DPP6: variants seen among roughly 807,000 people sequenced by gnomAD.
DPP6 encodes the protein dipeptidyl peptidase like 6.
DPP6 carries 69 observed loss-of-function variants against 122.6 expected under a neutral mutation model. The ratio of observed to expected loss-of-function variants is 0.56; its 90% confidence interval spans 0.46 to 0.69. DPP6 has a LOEUF of 0.69. Among genes scored for constraint, DPP6 ranks in the 30% least tolerant of loss-of-function variants. The pLI is 0.00. For missense variants in DPP6, 928 were observed against 1,116.9 expected, an observed-to-expected ratio of 0.83 and a Z score of 2.41; for synonymous variants, 418 against 433.1, an observed-to-expected ratio of 0.97 and a Z score of 0.43.
intron 2 of DPP6, among the ~76,000 whole-genome samples, chr7:154,470,900 A>G (rs1822207706): frequency 6.6e-6 from 1 of 152,208 alleles, no homozygotes; most frequent in South Asian, 2.1e-4. Flanking sequence ...GAGCACAGAA[A>G]TGTTCCTTGT....
At chr7:154,233,449 G>C (rs1020321125) in intron 1 of DPP6, among the ~76,000 whole-genome samples, 3 of 152,124 alleles carry the variant, frequency 2.0e-5, no homozygotes, top group African/African-American at 7.2e-5. Context: ...CCTAACCCCC[G>C]GTGACTGTAT....
chr7:154,323,921 A>G (rs1808192669), intron 1 of DPP6, among the ~76,000 whole-genome samples: 1 of 152,250 alleles, frequency 6.6e-6, no homozygotes, highest in Non-Finnish European at 1.5e-5. Context: ...AAAGCTAATG[A>G]GAGGTACAAG....
chr7:153,946,024 T>C (rs921178736), intron 1 of DPP6, among the ~76,000 whole-genome samples: 1 of 152,132 alleles, frequency 6.6e-6, no homozygotes, highest in African/African-American at 2.4e-5. Context: ...TTCACCTTCA[T>C]TGAAGCTGCA....
the DPP6 span, among the ~76,000 whole-genome samples, chr7:153,816,426 C>T: frequency 6.6e-6 from 1 of 152,006 alleles, no homozygotes; most frequent in African/African-American, 2.4e-5. Flanking sequence ...AATTGTTGCT[C>T]TCCTATTTGT....
chr7:154,873,651 T>C (rs537083055), intron 19 of DPP6, among the ~76,000 whole-genome samples: 13 of 152,276 alleles, frequency 8.5e-5, no homozygotes, highest in Non-Finnish European at 1.3e-4. Context: ...AATAGCTGAT[T>C]CCGTTTTGCA....
upstream of DPP6, among the ~76,000 whole-genome samples, chr7:154,051,483 C>T (rs373730335): frequency 2.1e-3 from 321 of 149,830 alleles, 3 homozygotes; most frequent in Middle Eastern, 0.01. Context: ...GGGCCTGGAG[C>T]GGAGGAGCGG....
chr7:154,023,094 T>A (rs1798783308), intron 1 of DPP6, among the ~76,000 whole-genome samples: 1 of 151,970 alleles, frequency 6.6e-6, no homozygotes, highest in Non-Finnish European at 1.5e-5. Flanking sequence ...AGTCTCTGTT[T>A]CACCTAACAC....
Position 154,142,728 on chromosome 7 carries a change from TATC to T in DPP6, c.243+89668_243+89670del, listed in dbSNP as rs573900062. 2.2e-3 allele frequency among the ~76,000 whole-genome samples: 334 copies of T among 151,494 alleles called. 1 individual carries two copies. The highest frequency in any genetic ancestry group is 7.7e-3 in the African/African-American group (319 of 41,246). On this transcript the variant is annotated intron_variant, in intron 1 of 25. Coordinates refer to ENST00000377770, the MANE Select transcript of DPP6 (RefSeq NM_130797.4). The stretch of plus-strand genomic sequence containing the variant: ...CATGAAAATTAAATTAATATGACCT[TATC>T]ATTGTAATCACTACTTTCATTTTTG...
intron 2 of DPP6, among the ~76,000 whole-genome samples, chr7:154,449,416 C>A (rs1005876169): frequency 6.6e-5 from 10 of 151,904 alleles, no homozygotes; most frequent in African/African-American, 2.2e-4. Context: ...GAACCAAACA[C>A]AAACAAAAAA....
chr7:154,892,633 T>A lies in DPP6; in HGVS notation c.*153T>A. 1 of 1,463,176 alleles carries A rather than the reference T, an allele frequency of 6.8e-7. No individual in the cohort carries two copies. The highest frequency in any genetic ancestry group is 1.3e-5 in the South Asian group (1 of 79,726). The allele number at this position is 1,463,176 out of a possible 1,614,324, so 90.6% of individuals were successfully genotyped here. A position where few individuals can be genotyped will look rare whatever the true frequency, so the allele number is the denominator to read the frequency against. On this transcript the variant is annotated 3_prime_UTR_variant, in exon 26 of 26. Transcript: ENST00000377770. Reference sequence around the variant, plus strand: ...TCTCGGATGCGGAAGGCAGTTTTGCTTGGGAAACAAGCTCCTTCCCCGGGG... The same window carrying A: ...TCTCGGATGCGGAAGGCAGTTTTGCATGGGAAACAAGCTCCTTCCCCGGGG...
At chr7:153,895,993 C>T (rs1381759537) in intron 1 of DPP6, among the ~76,000 whole-genome samples, 3 of 152,238 alleles carry the variant, frequency 2.0e-5, no homozygotes, top group Non-Finnish European at 4.4e-5. Flanking sequence ...CCAGGCCGGC[C>T]ACAAGGCCTG....
intron 7 of DPP6, among the ~76,000 whole-genome samples, chr7:154,678,612 T>G (rs908434120): frequency 6.6e-6 from 1 of 152,232 alleles, no homozygotes; most frequent in African/African-American, 2.4e-5. Flanking sequence ...GGTCTGCGGC[T>G]TCATTCCTGA....
chr7:154,675,052 T>C (rs1006925890), intron 7 of DPP6, among the ~76,000 whole-genome samples: 16 of 152,206 alleles, frequency 1.1e-4, no homozygotes, highest in African/African-American at 3.6e-4. Context: ...GGAATAGTTT[T>C]CCACAGAAGG....
At chr7:154,764,241 G>A (rs1430250195) in intron 8 of DPP6, among the ~76,000 whole-genome samples, 1 of 152,152 alleles carries the variant, frequency 6.6e-6, no homozygotes, top group Non-Finnish European at 1.5e-5. Context: ...CTCTCGCTCG[G>A]TGGATTTGCT....
Position 154,673,389 on chromosome 7 carries a change from G to C in DPP6, c.762+3948G>C, listed in dbSNP as rs534667323. On this transcript the variant is annotated intron_variant, in intron 7 of 25. Coordinates refer to ENST00000377770, the MANE Select transcript of DPP6 (RefSeq NM_130797.4). Reference sequence around the variant, plus strand: ...GTGATGACCCAGGGAACCAGGGATGGGTGAGGGCATCTTTTCCCAGTGCCT... The same window carrying C: ...GTGATGACCCAGGGAACCAGGGATGCGTGAGGGCATCTTTTCCCAGTGCCT... Among the ~76,000 whole-genome samples, 32 of 152,244 alleles carry C rather than the reference G, an allele frequency of 2.1e-4. No individual in the cohort carries two copies. In the East Asian group the frequency reaches 6.2e-3, roughly 29 times the overall value.
At chr7:154,024,476 T>A (rs1466499793) in intron 1 of DPP6, among the ~76,000 whole-genome samples, 1 of 152,100 alleles carries the variant, frequency 6.6e-6, no homozygotes, top group African/African-American at 2.4e-5. Context: ...CTGGAACACT[T>A]CTTTTCAAAT....
rs559860920 is a variant in DPP6, at chr7:154,129,190, C to A, written c.243+76127C>A. Among the ~76,000 whole-genome samples, 13 of 152,190 alleles carry A rather than the reference C, an allele frequency of 8.5e-5. No homozygotes were observed. The East Asian group carries it at 1.4e-3, about 16-fold the overall frequency. On this transcript the variant is annotated intron_variant, in intron 1 of 25. Coordinates refer to ENST00000377770, the MANE Select transcript of DPP6 (RefSeq NM_130797.4). ...AGAGAGGAAGATTATAGAAGCTGGT[C>A]AGGAACTTAATGAACATTTCCTGCA... is the stretch of plus-strand genomic sequence containing the variant.
chr7:154,026,139 A>G (rs1249599227), intron 1 of DPP6: 1 of 151,732 alleles, frequency 6.6e-6, no homozygotes, highest in African/African-American at 2.4e-5. Context: ...TCAGGTACGC[A>G]GGTGCCACAT....
At chr7:153,782,880 C>G in the DPP6 span, among the ~76,000 whole-genome samples, 3 of 152,082 alleles carry the variant, frequency 2.0e-5, no homozygotes, top group African/African-American at 7.2e-5. Flanking sequence ...AGAGGAAAAC[C>G]AACTGGACAA....
Sources: gnomAD v4.1 joint callset for allele counts (sites outside exome capture counted in the v4.1 genomes callset) on GRCh38, gnomAD v4.1.1 for gene constraint, MANE v1.5 for transcripts, NCBI Gene and HGNC (gene_info 2026-07-23, HGNC 2026-07-21) for gene names.